GPC5: variants seen among roughly 807,000 people sequenced by gnomAD.
GPC5 encodes the protein glypican 5.
A neutral mutation model predicts 53.9 loss-of-function variants in GPC5; 47 were observed. The observed-to-expected ratio is 0.87, with a 90% confidence interval of 0.69 to 1.11. The LOEUF (loss-of-function observed/expected upper bound fraction) is 1.11, where lower values mean the gene tolerates loss of function less well. GPC5 is among the 50% of genes most tolerant of loss of function. The pLI, the probability that GPC5 is intolerant of heterozygous loss-of-function variation, is 0.00. For missense variants in GPC5, 748 were observed against 713.1 expected, an observed-to-expected ratio of 1.05 and a Z score of -0.56; for synonymous variants, 286 against 263.3, an observed-to-expected ratio of 1.09 and a Z score of -0.84.
intron 2 of GPC5, among the ~76,000 whole-genome samples, chr13:91,562,595 A>G (rs1272215121): frequency 6.7e-6 from 1 of 149,900 alleles, no homozygotes; most frequent in Admixed American, 6.6e-5. Context: ...CTGGGATTAC[A>G]GGCATGCGCC....
chr13:91,927,522 G>A (rs1377299960), intron 6 of GPC5, among the ~76,000 whole-genome samples: 7 of 152,106 alleles, frequency 4.6e-5, no homozygotes, highest in African/African-American at 9.6e-5. Flanking sequence ...GAGAACTATT[G>A]TATAAATTAG....
At chr13:91,634,141 G>A (rs1451439710) in intron 2 of GPC5, among the ~76,000 whole-genome samples, 2 of 152,134 alleles carry the variant, frequency 1.3e-5, no homozygotes, top group East Asian at 1.9e-4. Flanking sequence ...TCTTGATAGT[G>A]TGGATTATTT....
intron 7 of GPC5, among the ~76,000 whole-genome samples, chr13:92,591,334 G>A (rs188967431): frequency 6.6e-6 from 1 of 152,218 alleles, no homozygotes; most frequent in Admixed American, 6.5e-5. Flanking sequence ...TTGGGCTTCT[G>A]TTGCCTCCAG....
chr13:92,101,075 CT>C (rs1303058101), intron 6 of GPC5, among the ~76,000 whole-genome samples: 1 of 152,132 alleles, frequency 6.6e-6, no homozygotes, highest in Non-Finnish European at 1.5e-5. Context: ...TAGTCTTATC[CT>C]TTACAGTACA....
chr13:92,240,476 A>G (rs2139114630), intron 7 of GPC5: 1 of 152,186 alleles, frequency 6.6e-6, no homozygotes, highest in East Asian at 1.9e-4. Flanking sequence ...TGCATTGCTA[A>G]ATAATTATAA....
chr13:92,438,444 C>T (rs1297104999), intron 7 of GPC5, among the ~76,000 whole-genome samples: 2 of 150,328 alleles, frequency 1.3e-5, no homozygotes, highest in Non-Finnish European at 3.0e-5. Flanking sequence ...TCAGCTTAAG[C>T]ATGGGTGACA....
At chr13:91,873,408 C>T (rs2039169046) in intron 5 of GPC5, among the ~76,000 whole-genome samples, 1 of 152,076 alleles carries the variant, frequency 6.6e-6, no homozygotes, top group African/African-American at 2.4e-5. Context: ...ATTGTAACCC[C>T]CCACAATTCC....
chr13:92,782,601 G>T (rs763259651), intron 7 of GPC5, among the ~76,000 whole-genome samples: 5 of 152,086 alleles, frequency 3.3e-5, no homozygotes, highest in Non-Finnish European at 5.9e-5. Flanking sequence ...GCAGTCACGC[G>T]TTTATCACAG....
chr13:92,177,953 G>A (rs1372524199), intron 7 of GPC5, among the ~76,000 whole-genome samples: 1 of 152,158 alleles, frequency 6.6e-6, no homozygotes, highest in Admixed American at 6.6e-5. Flanking sequence ...TAATGAAGGG[G>A]AAGATTACTG....
chr13:91,537,902 A>G (rs1028294266), intron 2 of GPC5, among the ~76,000 whole-genome samples: 2 of 152,210 alleles, frequency 1.3e-5, no homozygotes, highest in African/African-American at 2.4e-5. Flanking sequence ...TTGAAAACGT[A>G]TATTTACACA....
At chr13:92,336,547 G>A (rs1159175924) in intron 7 of GPC5, among the ~76,000 whole-genome samples, 1 of 137,246 alleles carries the variant, frequency 7.3e-6, no homozygotes, top group African/African-American at 2.8e-5. Flanking sequence ...CTTAGTATTT[G>A]ATGTTGTCTG....
intron 7 of GPC5, among the ~76,000 whole-genome samples, chr13:92,212,409 C>A (rs1351618880): frequency 6.6e-6 from 1 of 152,068 alleles, no homozygotes; most frequent in African/African-American, 2.4e-5. Context: ...AAAAAGCAAT[C>A]TTCTATTATT....
chr13:92,363,719 C>G (rs1159824872), intron 7 of GPC5, among the ~76,000 whole-genome samples: 1 of 151,746 alleles, frequency 6.6e-6, no homozygotes, highest in Non-Finnish European at 1.5e-5. Context: ...TGAAACATCA[C>G]TTGATTTTGG....
At chr13:91,986,176 C>T (rs1407875086) in intron 6 of GPC5, among the ~76,000 whole-genome samples, 1 of 148,022 alleles carries the variant, frequency 6.8e-6, no homozygotes, top group South Asian at 2.1e-4. Context: ...TACCATTCTC[C>T]TGCCTCAGCC....
At chr13:91,464,999 T>C (rs118065989) in intron 2 of GPC5, among the ~76,000 whole-genome samples, 1,770 of 152,276 alleles carry the variant, frequency 0.012, 21 homozygotes, top group Middle Eastern at 0.024. Context: ...TCTGAATCTA[T>C]ATCGTTTCAA....
intron 2 of GPC5, among the ~76,000 whole-genome samples, chr13:91,531,190 GT>G (rs1886325229): frequency 6.6e-6 from 1 of 152,170 alleles, no homozygotes; most frequent in African/African-American, 2.4e-5. Context: ...AAATGGAATT[GT>G]AGCACATTGT....
At chr13:91,941,087 G>A (rs1258907042) in intron 6 of GPC5, among the ~76,000 whole-genome samples, 2 of 151,926 alleles carry the variant, frequency 1.3e-5, no homozygotes, top group Non-Finnish European at 2.9e-5. Flanking sequence ...GTTAAGAAGG[G>A]TATCACGTAC....
At chr13:91,410,628 G>A (rs886585679) in intron 1 of GPC5, among the ~76,000 whole-genome samples, 1 of 151,988 alleles carries the variant, frequency 6.6e-6, no homozygotes, top group Non-Finnish European at 1.5e-5. Context: ...TTACAGGCGT[G>A]AGCCACTACG....
intron 7 of GPC5, among the ~76,000 whole-genome samples, chr13:92,294,826 C>CTTTTTTTTTTTTTTTTTTTTTTTT (rs147963724): frequency 7.1e-5 from 7 of 98,992 alleles, no homozygotes; most frequent in Non-Finnish European, 1.1e-4. Context: ...TTTTTTTTTT[C>CTTTTTTTTTTTTTTTTTTTTTTTT]TTTTTTTTTT....
Sources: allele counts gnomAD v4.1 joint callset (sites outside exome capture counted in the v4.1 genomes callset), GRCh38; gene constraint gnomAD v4.1.1; transcripts MANE v1.5; gene names NCBI Gene and HGNC (gene_info 2026-07-23, HGNC 2026-07-21).